The following GBF1 variants were observed in gnomAD, a reference collection of about 807,000 sequenced individuals.
The protein encoded by GBF1 is golgi brefeldin A resistant guanine nucleotide exchange factor 1, also known as Golgi-specific brefeldin A-resistance guanine nucleotide exchange factor 1.
A neutral mutation model predicts 210.5 loss-of-function variants in GBF1; 114 were observed. The ratio of observed to expected loss-of-function variants is 0.54; its 90% CI spans 0.47 to 0.63. The LOEUF (loss-of-function observed/expected upper bound fraction) is 0.63, where lower values mean the gene tolerates loss of function less well. GBF1 is among the 30% of genes least tolerant of loss of function. The pLI, the probability that GBF1 is intolerant of heterozygous loss-of-function variation, is 0.00. For synonymous variants in GBF1, 850 were observed against 889.2 expected, an observed-to-expected ratio of 0.96 and a Z score of 0.78; for missense variants, 1,851 against 2,357.7, an observed-to-expected ratio of 0.79 and a Z score of 4.45.
chr10:102,260,368 C>A (rs556841689), intron 3 of GBF1, among the ~76,000 whole-genome samples: 1 of 151,926 alleles, frequency 6.6e-6, no homozygotes, highest in South Asian at 2.1e-4. Context: ...CTATGTTGCC[C>A]AGGCTGGTTT....
At chr10:102,302,815 G>A (rs2133857705) in intron 3 of GBF1, among the ~76,000 whole-genome samples, 1 of 152,156 alleles carries the variant, frequency 6.6e-6, no homozygotes, top group Middle Eastern at 3.4e-3. Context: ...TCAAAGCCAG[G>A]AGGGATGCTG....
At chr10:102,312,332 C>G (rs1262296229) in intron 3 of GBF1, among the ~76,000 whole-genome samples, 1 of 151,768 alleles carries the variant, frequency 6.6e-6, no homozygotes, top group Admixed American at 6.6e-5. Context: ...TTAAATCTCT[C>G]TCTGCCCTAC....
In GBF1 at chr10:102,379,569, C is replaced by G; in HGVS notation, c.4694C>G (p.Ala1565Gly). The change falls in exon 35 of 40, where the codon GCA becomes GGA. Residue 1565 changes from alanine (A) to glycine (G), a missense_variant. Physicochemically the swap from Ala to Gly is moderately conservative, Grantham distance 60. Coordinates refer to ENST00000369983, the MANE Select transcript of GBF1 (RefSeq NM_001377137.1). ...CDARRQVRMQ[A>G]LTYLQRALLV... is the part of the protein sequence containing the mutation. ...GCCCGGCGCCAGGTACGGATGCAGG[C>G]ACTGACCTATCTGCAGCGAGCACTA... The G allele has an allele frequency of 6.2e-7, 1 of 1,614,068 alleles. No homozygotes were observed. Among genetic ancestry groups the G allele is most frequent in the Non-Finnish European group, 8.5e-7 (1 of 1,179,942 alleles).
intron 3 of GBF1, among the ~76,000 whole-genome samples, chr10:102,261,315 G>A (rs1354682125): frequency 2.0e-5 from 3 of 152,034 alleles, no homozygotes. Context: ...CAGGAAAGGA[G>A]GAAAGTGTCA....
chr10:102,369,022 T>C (rs2060064425), intron 23 of GBF1, among the ~76,000 whole-genome samples, 189 bp from the exon 24 acceptor site: 1 of 152,084 alleles, frequency 6.6e-6, no homozygotes, highest in African/African-American at 2.4e-5. Context: ...CTTCATGTAA[T>C]GGGGATGGGA....
intron 3 of GBF1, among the ~76,000 whole-genome samples, chr10:102,262,485 A>T (rs1020549670): frequency 3.3e-5 from 5 of 152,212 alleles, no homozygotes; most frequent in African/African-American, 1.2e-4. Context: ...CAAACAAGTT[A>T]ATATAATTGG....
the GBF1 span, chr10:102,231,890 G>T: frequency 6.4e-7 from 1 of 1,555,964 alleles, no homozygotes; most frequent in Non-Finnish European, 8.8e-7. Context: ...CACCGGGGCT[G>T]CCCAGCCGGG....
In GBF1 at chr10:102,377,126, C is replaced by T. The variant is rs1283755537; in HGVS notation, c.4480C>T (p.Gln1494Ter). 6.2e-7 allele frequency: 1 copy of T among 1,613,374 alleles called. No individual in the cohort carries two copies. Among genetic ancestry groups the T allele is most frequent in the South Asian group, 1.1e-5 (1 of 91,072 alleles). ...VPASYHTVSLQVSQDLLDLMH... is the reference protein window; with the variant it reads ...VPASYHTVSL Reference sequence around the variant, plus strand: ...TGCCAGCTACCATACGGTGTCTTTACAGGTCAGTCAGGACGTAAGTATGGC... The same window carrying T: ...TGCCAGCTACCATACGGTGTCTTTATAGGTCAGTCAGGACGTAAGTATGGC... The change falls in exon 33 of 40, where the codon CAG (glutamine) becomes TAG (stop). Residue 1494 changes from glutamine to a stop codon, truncating the protein, a stop_gained. Transcript: ENST00000369983. LOFTEE classifies it high-confidence loss of function.
At chr10:102,256,238 G>A (rs2072352260) in intron 1 of GBF1, among the ~76,000 whole-genome samples, 2 of 152,074 alleles carry the variant, frequency 1.3e-5, no homozygotes, top group African/African-American at 4.8e-5. Flanking sequence ...GAGCCACTGC[G>A]CATGGCCCCT....
chr10:102,337,228 G>A (rs934009976), intron 3 of GBF1, among the ~76,000 whole-genome samples: 1 of 151,550 alleles, frequency 6.6e-6, no homozygotes, highest in Non-Finnish European at 1.5e-5. Flanking sequence ...AATACAAAAA[G>A]TTAGCCGGGC....
At chr10:102,309,984 A>G (rs2078265851) in intron 3 of GBF1, among the ~76,000 whole-genome samples, 1 of 152,214 alleles carries the variant, frequency 6.6e-6, no homozygotes. Flanking sequence ...AATACAACCA[A>G]CTGTATTTTA....
chr10:102,239,631 G>A, the GBF1 span, among the ~76,000 whole-genome samples: 1 of 152,232 alleles, frequency 6.6e-6, no homozygotes, highest in Non-Finnish European at 1.5e-5. Context: ...TCACTCACAG[G>A]TGAAGGGTAA....
Position 102,358,584 on chromosome 10 carries a change from C to T in GBF1, c.866C>T (p.Ser289Phe). 5 of 1,613,970 alleles carry T rather than the reference C, an allele frequency of 3.1e-6. No individual in the cohort carries two copies. Among genetic ancestry groups the T allele is most frequent in the Non-Finnish European group, 4.2e-6 (5 of 1,179,806 alleles). ...SEAASAVVSPSTDSGLEFSSQ... is the reference protein window; with the variant it reads ...SEAASAVVSPFTDSGLEFSSQ... ...GCTGCCTCAGCAGTGGTCAGTCCCT[C>T]TACAGACAGTGGCCTGGAATTCTCC... Residue 289 changes from serine (S) to phenylalanine (F), a missense_variant, in exon 10 of 40, where the codon TCT becomes TTT. By Grantham distance (155) the Ser-to-Phe change is radical. Around this residue, in one of 3 missense-constraint regions of GBF1, gnomAD observed 804 missense variants for 958.6 expected, o/e 0.84. Coordinates refer to ENST00000369983, the MANE Select transcript of GBF1 (RefSeq NM_001377137.1).
intron 1 of GBF1, among the ~76,000 whole-genome samples, chr10:102,254,419 T>A (rs891933173): frequency 2.6e-5 from 4 of 152,226 alleles, no homozygotes; most frequent in African/African-American, 9.6e-5. Context: ...CTAAGAGATT[T>A]CAAGTTTTGC....
intron 3 of GBF1, among the ~76,000 whole-genome samples, chr10:102,340,553 G>A (rs1359623232): frequency 4.6e-5 from 7 of 151,238 alleles, no homozygotes; most frequent in Non-Finnish European, 5.9e-5. Context: ...GATTACAGGC[G>A]TGAGCCACCA....
At chr10:102,309,933 C>T (rs2133962511) in intron 3 of GBF1, among the ~76,000 whole-genome samples, 2 of 152,256 alleles carry the variant, frequency 1.3e-5, no homozygotes, top group Middle Eastern at 6.8e-3. Flanking sequence ...AGAAAAATCT[C>T]ATTTTTTGGT....
At chr10:102,338,237 CTTTTTTTTTT>C (rs398046214) in intron 3 of GBF1, among the ~76,000 whole-genome samples, 1 of 114,166 alleles carries the variant, frequency 8.8e-6, no homozygotes, top group Non-Finnish European at 1.8e-5. Flanking sequence ...CAACCTTCTT[CTTTTTTTTTT>C]TTTTTTTTTT....
intron 3 of GBF1, among the ~76,000 whole-genome samples, chr10:102,313,324 A>G (rs1260044767): frequency 1.3e-5 from 2 of 152,146 alleles, no homozygotes; most frequent in Non-Finnish European, 2.9e-5. Flanking sequence ...AAAGTGATTT[A>G]CGAGGTGTGG....
chr10:102,274,903 G>C (rs1440575427), intron 3 of GBF1, among the ~76,000 whole-genome samples: 1 of 151,374 alleles, frequency 6.6e-6, no homozygotes, highest in East Asian at 1.9e-4. Flanking sequence ...GTAGTGACAG[G>C]GTTTCACCAT....
Sources: gnomAD v4.1 joint callset for allele counts (sites outside exome capture counted in the v4.1 genomes callset) on GRCh38, gnomAD v4.1.1 for gene constraint, gnomAD v4.1.1 regional missense constraint, MANE v1.5 for transcripts, NCBI Gene and HGNC (gene_info 2026-07-23, HGNC 2026-07-21) for gene names.